The following LUC7L2 variants were observed in gnomAD, a reference collection of about 807,000 sequenced individuals.
LUC7L2 encodes the protein LUC7 like 2, pre-mRNA splicing factor.
Under a neutral mutation model 52.8 loss-of-function variants are expected in LUC7L2, and 25 were observed. That is an observed-to-expected ratio of 0.47 (90% CI 0.34 to 0.66). LUC7L2 has a LOEUF of 0.66. Ranked by LOEUF, LUC7L2 falls within the 30% of genes least tolerant of loss-of-function variation. The pLI, the probability that LUC7L2 is intolerant of heterozygous loss-of-function variation, is 0.01. For missense variants in LUC7L2, 328 were observed against 497.8 expected (o/e 0.66, Z 3.25); for synonymous variants, 144 against 160.9 (o/e 0.89, Z 0.80).
chr7:139,384,013 A>G (rs557214599), intron 2 of LUC7L2, among the ~76,000 whole-genome samples: 31 of 152,048 alleles, frequency 2.0e-4, no homozygotes, highest in African/African-American at 7.0e-4. Context: ...GCGCCTCCCA[A>G]AGTGCTGGGA....
chr7:139,392,893 A>G (rs1468688935), intron 2 of LUC7L2, among the ~76,000 whole-genome samples: 1 of 151,942 alleles, frequency 6.6e-6, no homozygotes, highest in Non-Finnish European at 1.5e-5. Flanking sequence ...ACCTCAGGTG[A>G]TCTGCCCGCC....
At chr7:139,407,001 G>GTTTT (rs58914782) in intron 5 of LUC7L2, among the ~76,000 whole-genome samples, 173 bp from the exon 6 acceptor site, 9 of 110,450 alleles carry the variant, frequency 8.1e-5, no homozygotes, top group South Asian at 6.0e-4. Context: ...TGCTTTTGTG[G>GTTTT]TTTTTTTTTT....
chr7:139,342,033 G>A (rs1799005913), intron 1 of LUC7L2, among the ~76,000 whole-genome samples: 1 of 152,140 alleles, frequency 6.6e-6, no homozygotes, highest in Non-Finnish European at 1.5e-5. Flanking sequence ...TGAGCAATGT[G>A]GGGAAAGGGA....
At chr7:139,352,701 C>G (rs1346542779) in intron 1 of LUC7L2, among the ~76,000 whole-genome samples, 1 of 152,080 alleles carries the variant, frequency 6.6e-6, no homozygotes, top group Non-Finnish European at 1.5e-5. Context: ...TATTGAGTTC[C>G]TTGTCTGGTT....
Position 139,422,760 on chromosome 7 carries a change from A to G in LUC7L2, c.*420A>G, listed in dbSNP as rs1482251570. 5 of 399,944 alleles carry G rather than the reference A, an allele frequency of 1.3e-5. No individual in the cohort carries two copies. Among genetic ancestry groups the G allele is most frequent in the Non-Finnish European group, 2.2e-5 (5 of 226,844 alleles). 24.8% of individuals were successfully genotyped at this position (399,944 alleles called of 1,614,324 possible). A position where few individuals can be genotyped will look rare whatever the true frequency, so the allele number is the denominator to read the frequency against. ...TATCCCTTAATACCTACACTCTCCA[A>G]TTGTAAGAGAAAGGGGGCAGGGAAG... On this transcript the variant is annotated 3_prime_UTR_variant, in exon 10 of 10. Coordinates refer to ENST00000354926, the MANE Select transcript of LUC7L2 (RefSeq NM_016019.5).
chr7:139,379,992 A>G (rs1303545296), intron 2 of LUC7L2, among the ~76,000 whole-genome samples: 1 of 150,816 alleles, frequency 6.6e-6, no homozygotes, highest in Non-Finnish European at 1.5e-5. Context: ...TGGCCAACCA[A>G]CATGGTGAAA....
At chr7:139,345,590 T>C in intron 1 of LUC7L2, 1 of 1,614,078 alleles carries the variant, frequency 6.2e-7, no homozygotes, top group Non-Finnish European at 8.5e-7. Flanking sequence ...TCCGGAAACA[T>C]GTGGCCCTAC....
upstream of LUC7L2, among the ~76,000 whole-genome samples, chr7:139,355,383 CAAAGA>C (rs139507409): frequency 9.3e-3 from 1,405 of 151,154 alleles, 34 homozygotes; most frequent in African/African-American, 0.033. Context: ...GTTTAGCACA[CAAAGA>C]AAACCAGGCA....
At chr7:139,396,585 A>G (rs1467000203) in intron 2 of LUC7L2, among the ~76,000 whole-genome samples, 1 of 152,124 alleles carries the variant, frequency 6.6e-6, no homozygotes, top group Non-Finnish European at 1.5e-5. Flanking sequence ...TGTCTTCTCT[A>G]TTTATTTCTG....
At chr7:139,385,192 A>G (rs1794139151) in intron 2 of LUC7L2, among the ~76,000 whole-genome samples, 1 of 151,968 alleles carries the variant, frequency 6.6e-6, no homozygotes, top group African/African-American at 2.4e-5. Context: ...CCCATCAGCT[A>G]GCTTCAGGAA....
chr7:139,375,310 G>A (rs1472018082), intron 1 of LUC7L2: 5 of 985,254 alleles, frequency 5.1e-6, no homozygotes, highest in Non-Finnish European at 6.0e-6. Flanking sequence ...TATGAAGACA[G>A]AATGAATTTA....
At chr7:139,412,651 T>C in intron 8 of LUC7L2, 71 bp downstream of exon 8, 1 of 1,524,238 alleles carries the variant, frequency 6.6e-7, no homozygotes, top group Non-Finnish European at 8.8e-7. Flanking sequence ...TATAGATTGA[T>C]TAAATGGTCC....
At chr7:139,391,882 C>T (rs771225126) in intron 2 of LUC7L2, among the ~76,000 whole-genome samples, 9 of 152,130 alleles carry the variant, frequency 5.9e-5, no homozygotes, top group East Asian at 1.9e-4. Context: ...CCACCACGCC[C>T]GGCCTGGCTT....
At chr7:139,370,957 G>T (rs1215752585) in intron 1 of LUC7L2, among the ~76,000 whole-genome samples, 1 of 152,142 alleles carries the variant, frequency 6.6e-6, no homozygotes, top group East Asian at 1.9e-4. Flanking sequence ...TTAAGCTTTT[G>T]GTTGTACACC....
Position 139,381,387 on chromosome 7 carries a change from TTTTTATTTTA to T in LUC7L2, c.156+5260_156+5269del, listed in dbSNP as rs144581381. The stretch of plus-strand genomic sequence containing the variant: ...TTATTTTATTTTATTTTTATTTTAT[TTTTTATTTTA>T]TTTTATTTTATTTTATTTTATTTTA... On this transcript the variant is annotated intron_variant, in intron 2 of 9. Coordinates refer to ENST00000354926, the MANE Select transcript of LUC7L2 (RefSeq NM_016019.5). Among the ~76,000 whole-genome samples, 149 of 110,208 alleles carry T rather than the reference TTTTTATTTTA, an allele frequency of 1.4e-3. 2 individuals carry two copies. Among genetic ancestry groups the T allele is most frequent in the East Asian group, 3.0e-3 (10 of 3,352 alleles). The allele number at this position is 110,208 out of a possible 152,430, so 72.3% of individuals were successfully genotyped here.
At chr7:139,409,223 CTGGAGCCCAGGAGT>C (rs1795246883) in intron 6 of LUC7L2, among the ~76,000 whole-genome samples, 1 of 151,514 alleles carries the variant, frequency 6.6e-6, no homozygotes, top group African/African-American at 2.4e-5. Flanking sequence ...GGGAGGATCA[CTGGAGCCCAGGAGT>C]TGTAGACCCA....
At chr7:139,407,123 A>G (rs368942592) in intron 5 of LUC7L2, 51 bp from the exon 6 acceptor site, 154 of 1,499,708 alleles carry the variant, frequency 1.0e-4, no homozygotes, top group Non-Finnish European at 1.2e-4. Context: ...ATTTAATTGT[A>G]TGACTTTTAG....
chr7:139,346,066 C>T (rs988773926), intron 1 of LUC7L2: 18 of 159,930 alleles, frequency 1.1e-4, no homozygotes, highest in Non-Finnish European at 1.8e-4. Flanking sequence ...GGAAAAACCC[C>T]GTCTCTACTA....
At chr7:139,406,337 C>T (rs896080603) in intron 5 of LUC7L2, among the ~76,000 whole-genome samples, 4 of 149,810 alleles carry the variant, frequency 2.7e-5, no homozygotes, top group Middle Eastern at 3.5e-3. Flanking sequence ...CAGGCATGAA[C>T]CACTGCACCA....
Sources: allele counts gnomAD v4.1 joint callset (sites outside exome capture counted in the v4.1 genomes callset), GRCh38; gene constraint gnomAD v4.1.1; transcripts MANE v1.5; gene names NCBI Gene and HGNC (gene_info 2026-07-23, HGNC 2026-07-21).